The following CTNNA2 variants were observed in gnomAD, a reference collection of about 807,000 sequenced individuals.
CTNNA2 encodes catenin alpha-2.
CTNNA2 carries 42 observed loss-of-function variants against 101.0 expected under a neutral mutation model. The ratio of observed to expected loss-of-function variants is 0.42; its 90% confidence interval spans 0.32 to 0.54. The LOEUF is 0.54. CTNNA2 is among the 20% of genes least tolerant of loss of function. The probability of loss-of-function intolerance (pLI) is 0.14; values close to 1 mark genes in which losing one functional copy is unlikely to be tolerated. For synonymous variants in CTNNA2, 450 were observed against 456.4 expected (o/e 0.99, Z 0.18); for missense variants, 871 against 1,223.1 (o/e 0.71, Z 4.29).
intron 5 of CTNNA2, among the ~76,000 whole-genome samples, chr2:79,507,070 C>G (rs1013307296): frequency 6.6e-6 from 1 of 152,186 alleles, no homozygotes; most frequent in Non-Finnish European, 1.5e-5. Context: ...CTTACCTCAG[C>G]ATAACCTACT....
At chr2:79,358,386 G>C (rs537036769) in intron 3 of CTNNA2, among the ~76,000 whole-genome samples, 1 of 152,082 alleles carries the variant, frequency 6.6e-6, no homozygotes, top group East Asian at 1.9e-4. Context: ...TTTTAGTAGA[G>C]ATGGGGTTTC....
intron 11 of CTNNA2, among the ~76,000 whole-genome samples, chr2:80,552,512 G>T (rs2149650678): frequency 6.6e-6 from 1 of 152,236 alleles, no homozygotes; most frequent in South Asian, 2.1e-4. Flanking sequence ...CATAAAAAGG[G>T]ACCTGAATTG....
intron 9 of CTNNA2, among the ~76,000 whole-genome samples, chr2:80,430,189 T>G (rs1681363584): frequency 1.3e-5 from 2 of 152,072 alleles, no homozygotes; most frequent in Admixed American, 6.5e-5. Context: ...CAAATTATAT[T>G]CCAATAGGTG....
chr2:80,110,857 A>T (rs1701172399), intron 7 of CTNNA2, among the ~76,000 whole-genome samples: 1 of 152,132 alleles, frequency 6.6e-6, no homozygotes, highest in Admixed American at 6.5e-5. Flanking sequence ...TTAGAGGAGG[A>T]TTGTATTAGT....
chr2:80,390,008 G>A lies in CTNNA2; in HGVS notation c.1057-3203G>A, dbSNP rs535096633. On this transcript the variant is annotated intron_variant, in intron 7 of 18. Coordinates refer to ENST00000402739, the MANE Select transcript of CTNNA2 (RefSeq NM_001282597.3). ...TTAGTAGTAATCACACTATAAAGAAGCTCTTATAGAAATAATTTGTCTCTG... is the reference window on the plus strand; with the variant it reads ...TTAGTAGTAATCACACTATAAAGAAACTCTTATAGAAATAATTTGTCTCTG... Among the ~76,000 whole-genome samples, 3 of 152,248 alleles carry A rather than the reference G, an allele frequency of 2.0e-5. No homozygotes were observed. The South Asian group carries it at 6.2e-4, about 32-fold the overall frequency.
intron 7 of CTNNA2, among the ~76,000 whole-genome samples, chr2:80,377,880 C>T (rs1676112333): frequency 6.6e-6 from 1 of 152,186 alleles, no homozygotes; most frequent in Non-Finnish European, 1.5e-5. Context: ...TCCCATCTCT[C>T]ATCTGTGGCC....
intron 1 of CTNNA2, among the ~76,000 whole-genome samples, chr2:79,548,411 TC>T (rs2104031508): frequency 6.6e-6 from 1 of 152,350 alleles, no homozygotes; most frequent in African/African-American, 2.4e-5. Context: ...GAGAAATCAT[TC>T]CTTTCCATTT....
At chr2:79,358,831 G>A (rs1185569311) in intron 3 of CTNNA2, among the ~76,000 whole-genome samples, 1 of 152,142 alleles carries the variant, frequency 6.6e-6, no homozygotes, top group African/African-American at 2.4e-5. Context: ...GCAGAGCCAG[G>A]AACTTACTCA....
chr2:79,467,868 C>T (rs888115737), intron 4 of CTNNA2, among the ~76,000 whole-genome samples: 1 of 152,092 alleles, frequency 6.6e-6, no homozygotes, highest in Non-Finnish European at 1.5e-5. Context: ...TACAAGAGCT[C>T]CTGAAGGAAG....
intron 4 of CTNNA2, among the ~76,000 whole-genome samples, chr2:79,498,586 G>A (rs750946670): frequency 6.6e-6 from 1 of 151,608 alleles, no homozygotes; most frequent in African/African-American, 2.4e-5. Flanking sequence ...CCGCTGCCTC[G>A]GAGCAATTAA....
chr2:80,133,301 A>G (rs1286845815), intron 7 of CTNNA2, among the ~76,000 whole-genome samples: 1 of 152,112 alleles, frequency 6.6e-6, no homozygotes, highest in Non-Finnish European at 1.5e-5. Flanking sequence ...CCTGCCAACA[A>G]CTTGGTTTCA....
At chr2:79,658,355 G>A (rs570762232) in intron 2 of CTNNA2, among the ~76,000 whole-genome samples, 2 of 152,012 alleles carry the variant, frequency 1.3e-5, no homozygotes, top group East Asian at 3.9e-4. Context: ...ATGGTTTAAA[G>A]GGACTAGAAA....
chr2:79,872,603 C>A (rs1682676980), intron 5 of CTNNA2, among the ~76,000 whole-genome samples: 1 of 152,098 alleles, frequency 6.6e-6, no homozygotes, highest in South Asian at 2.1e-4. Flanking sequence ...ACCTAGCATC[C>A]ATCTTTTAAT....
chr2:80,315,928 A>C (rs985500157), intron 7 of CTNNA2, among the ~76,000 whole-genome samples: 3 of 152,168 alleles, frequency 2.0e-5, no homozygotes, highest in Non-Finnish European at 4.4e-5. Flanking sequence ...GAAATGCAGA[A>C]TCTCAGGCCC....
At chr2:79,296,053 A>C (rs1018812948) in intron 2 of CTNNA2, among the ~76,000 whole-genome samples, 1 of 152,064 alleles carries the variant, frequency 6.6e-6, no homozygotes, top group Non-Finnish European at 1.5e-5. Context: ...ATGCTTATAA[A>C]TAGTAAATAG....
intron 4 of CTNNA2, chr2:79,500,564 A>G (rs1169899669): frequency 1.3e-5 from 2 of 152,180 alleles, no homozygotes; most frequent in African/African-American, 4.8e-5. Flanking sequence ...GTATTTTTCT[A>G]CTTTCTCTCA....
intron 7 of CTNNA2, among the ~76,000 whole-genome samples, chr2:80,364,281 C>T (rs1268543419): frequency 2.6e-5 from 4 of 151,976 alleles, no homozygotes; most frequent in African/African-American, 4.8e-5. Flanking sequence ...CTTTTGAAGG[C>T]GTGTTTTTAT....
intron 2 of CTNNA2, among the ~76,000 whole-genome samples, chr2:79,214,097 T>C (rs1674214241): frequency 6.6e-6 from 1 of 152,070 alleles, no homozygotes; most frequent in Non-Finnish European, 1.5e-5. Context: ...GGGAGATTAG[T>C]CGGACACAAT....
chr2:80,230,935 C>T (rs955881014), intron 7 of CTNNA2, among the ~76,000 whole-genome samples: 7 of 151,570 alleles, frequency 4.6e-5, no homozygotes, highest in African/African-American at 9.8e-5. Flanking sequence ...CAGAAGCAGA[C>T]GTAGAATGAT....
Sources: gnomAD v4.1 joint callset for allele counts (sites outside exome capture counted in the v4.1 genomes callset) on GRCh38, gnomAD v4.1.1 for gene constraint, MANE v1.5 for transcripts, NCBI Gene and HGNC (gene_info 2026-07-23, HGNC 2026-07-21) for gene names.